The following DZIP3 variants were observed in gnomAD, a reference collection of about 807,000 sequenced individuals.
DZIP3 encodes DAZ interacting zinc finger protein 3, also known as E3 ubiquitin-protein ligase DZIP3.
In DZIP3, 118 loss-of-function variants were observed where a neutral mutation model predicts 162.0. The ratio of observed to expected loss-of-function variants is 0.73; its 90% CI spans 0.63 to 0.85. The LOEUF is 0.85. DZIP3 is among the 40% of genes least tolerant of loss of function. DZIP3 has a pLI of 0.00. For synonymous variants in DZIP3, 438 were observed against 458.6 expected, an observed-to-expected ratio of 0.96 and a Z score of 0.57; for missense variants, 1,331 against 1,407.0, an observed-to-expected ratio of 0.95 and a Z score of 0.86.
chr3:108,676,067 T>C (rs1010918501), intron 25 of DZIP3, among the ~76,000 whole-genome samples, 194 bp downstream of exon 25: 6 of 152,110 alleles, frequency 3.9e-5, no homozygotes, highest in Non-Finnish European at 5.9e-5. Context: ...TGTAGTCTTT[T>C]ATATCCTTAG....
intron 21 of DZIP3, among the ~76,000 whole-genome samples, chr3:108,667,117 A>G (rs1943714951): frequency 6.6e-6 from 1 of 151,960 alleles, no homozygotes. Flanking sequence ...CCCAGGAGTT[A>G]CAGTTCAGCA....
rs199527435 is a variant in DZIP3 at position 108,644,402 on chromosome 3, G to A, written c.1380G>A (p.Pro460=). 8.3e-5 allele frequency: 134 copies of A among 1,613,962 alleles called. 1 individual carries two copies. Among genetic ancestry groups the A allele is most frequent in the South Asian group, 1.8e-4 (16 of 91,066 alleles). ...HLLYPPNKEL[P]QSKQFDLCLL... Reference sequence around the variant, plus strand: ...TTTATCCTCCTAACAAGGAGTTACCGCAATCCAAACAGTTTGACTTATGCC... The same window carrying A: ...TTTATCCTCCTAACAAGGAGTTACCACAATCCAAACAGTTTGACTTATGCC... The change falls in exon 14 of 33, where the codon CCG becomes CCA. Residue 460 remains proline, a synonymous_variant. Coordinates refer to ENST00000361582, the MANE Select transcript of DZIP3 (RefSeq NM_014648.4).
chr3:108,654,117 G>C lies in DZIP3; in HGVS notation c.2034-28G>C, dbSNP rs113345476. ...TGAAAATTACTATACAATTGTAAAA[G>C]CTCACATTGATTATGTCACGACTAC... On this transcript the variant is annotated intron_variant, in intron 18 of 32. Coordinates refer to ENST00000361582, the MANE Select transcript of DZIP3 (RefSeq NM_014648.4). The C allele has an allele frequency of 1.2e-3, 1,882 of 1,606,464 alleles. 10 individuals are homozygous for C. In the African/African-American group the frequency reaches 0.017, roughly 15 times the overall value.
Position 108,634,966 on chromosome 3 carries a change from T to C in DZIP3, c.912T>C (p.Asn304=), listed in dbSNP as rs1559745282. Residue 304 remains asparagine, a synonymous_variant, in exon 10 of 33, where the codon AAT becomes AAC. Transcript: ENST00000361582. The part of the protein sequence containing the change: ...KFKNLKYPGE[N]DQSFSGKKCL... ...AGAATTTAAAGTATCCAGGTGAAAA[T>C]GATCAGGTATTATATTCGTTCTTAA... 1 of 1,584,618 alleles carries C rather than the reference T, an allele frequency of 6.3e-7. No homozygotes were observed. The highest frequency in any genetic ancestry group is 2.3e-5 in the East Asian group (1 of 44,080).
chr3:108,621,117 A>G (rs1009114922), intron 5 of DZIP3, among the ~76,000 whole-genome samples: 1 of 152,100 alleles, frequency 6.6e-6, no homozygotes, highest in Admixed American at 6.5e-5. Flanking sequence ...CACTGCACCC[A>G]GCCAGATCAT....
intron 1 of DZIP3, 25 bp downstream of exon 1, chr3:108,589,864 C>A (rs999557249): frequency 6.5e-6 from 1 of 152,758 alleles, no homozygotes; most frequent in East Asian, 1.9e-4. Flanking sequence ...GGAGAAGAAT[C>A]TTGGGCCCTA....
chr3:108,624,373 T>C, intron 5 of DZIP3, 71 bp from the exon 6 acceptor site: 1 of 807,784 alleles, frequency 1.2e-6, no homozygotes, highest in East Asian at 2.6e-5. Context: ...GCTTAGGATA[T>C]TTAATTAAGC....
rs758616906 is a variant in DZIP3, at chr3:108,654,273, G to T, written c.2162G>T (p.Ser721Ile). The T allele has an allele frequency of 1.3e-5, 21 of 1,613,672 alleles. No homozygotes were observed. The South Asian group carries it at 2.1e-4, about 16-fold the overall frequency. ...EDSAMEDKFY[S>I]LDELHILDMI... ...TCTGCAATGGAAGACAAGTTCTATA[G>T]CCTGGATGAATTGCATATTCTGGAC... The change falls in exon 19 of 33, where the codon AGC becomes ATC. Residue 721 changes from serine (S) to isoleucine (I), a missense_variant. By Grantham distance (142) the Ser-to-Ile change is moderately radical (BLOSUM62 -2). Around this residue, in one of 2 missense-constraint regions of DZIP3, gnomAD observed 1,278 missense variants for 1,317.1 expected, o/e 0.97. Transcript: ENST00000361582.
chr3:108,687,441 T>A (rs1944537312), intron 28 of DZIP3, among the ~76,000 whole-genome samples: 1 of 152,168 alleles, frequency 6.6e-6, no homozygotes, highest in South Asian at 2.1e-4. Flanking sequence ...AAGGAACATA[T>A]CAATTAAAAT....
chr3:108,658,080 A>G (rs200014048), intron 19 of DZIP3, among the ~76,000 whole-genome samples: 30,791 of 151,900 alleles, frequency 0.2, 3,661 homozygotes, highest in East Asian at 0.44. Context: ...AGACAGATCA[A>G]TGAGACAGAA....
chr3:108,688,405 TAG>T (rs1944571287), intron 29 of DZIP3, among the ~76,000 whole-genome samples, 186 bp from the exon 30 acceptor site: 1 of 152,218 alleles, frequency 6.6e-6, no homozygotes, highest in African/African-American at 2.4e-5. Context: ...AAAGAATGTA[TAG>T]AGTTATTTTT....
In DZIP3 at chr3:108,624,473, G is replaced by T. The variant is rs78132162; in HGVS notation, c.405G>T (p.Leu135Phe). Residue 135 changes from leucine (L) to phenylalanine (F), a missense_variant, in exon 6 of 33, where the codon TTG becomes TTT. Leu to Phe is a conservative substitution (Grantham distance 22). Coordinates refer to ENST00000361582, the MANE Select transcript of DZIP3 (RefSeq NM_014648.4). The stretch of plus-strand genomic sequence containing the variant: ...ACCAGATTAATATTGGTTATTATTT[G>T]ACATTACTGTTTTTATATGGAGTAG... ...TAHQINIGYY[L>F]TLLFLYGVAL... is the part of the protein sequence containing the mutation. The T allele has an allele frequency of 1.9e-6, 3 of 1,596,506 alleles. No individual in the cohort carries two copies. In the South Asian group the frequency reaches 3.4e-5, roughly 18 times the overall value.
intron 21 of DZIP3, 119 bp from the exon 22 acceptor site, chr3:108,669,562 G>T: frequency 1.3e-6 from 1 of 797,912 alleles, no homozygotes; most frequent in Admixed American, 2.7e-5. Flanking sequence ...TCAGGCTCAA[G>T]ATTTGTGGCC....
chr3:108,672,787 A>G, intron 23 of DZIP3, 131 bp downstream of exon 23: 1 of 729,732 alleles, frequency 1.4e-6, no homozygotes, highest in South Asian at 2.0e-5. Flanking sequence ...TCAGCCAGGA[A>G]AATACAGTTG....
chr3:108,687,386 A>C (rs1944535721), intron 28 of DZIP3, among the ~76,000 whole-genome samples: 1 of 152,126 alleles, frequency 6.6e-6, no homozygotes, highest in African/African-American at 2.4e-5. Context: ...TGTCCCATCA[A>C]AACTGTAGAT....
At chr3:108,616,041 G>A (rs1195570720) in intron 4 of DZIP3, among the ~76,000 whole-genome samples, 1 of 152,170 alleles carries the variant, frequency 6.6e-6, no homozygotes, top group African/African-American at 2.4e-5. Flanking sequence ...AAGGCAGGCG[G>A]ATCACGAGGT....
chr3:108,621,356 T>C (rs935171663), intron 5 of DZIP3, among the ~76,000 whole-genome samples: 4 of 152,218 alleles, frequency 2.6e-5, no homozygotes, highest in African/African-American at 7.2e-5. Flanking sequence ...TGAGATACTT[T>C]GATGCAGGCA....
chr3:108,603,968 G>C (rs1940179364), intron 1 of DZIP3, among the ~76,000 whole-genome samples: 2 of 152,070 alleles, frequency 1.3e-5, no homozygotes, highest in Admixed American at 1.3e-4. Context: ...CTTCCTGTCT[G>C]TGGTAAATTG....
At chr3:108,599,621 A>G (rs1223872762) in intron 1 of DZIP3, among the ~76,000 whole-genome samples, 1 of 152,210 alleles carries the variant, frequency 6.6e-6, no homozygotes, top group African/African-American at 2.4e-5. Flanking sequence ...TGCACAGTGG[A>G]CCGAATGTTT....
Sources: allele counts gnomAD v4.1 joint callset (sites outside exome capture counted in the v4.1 genomes callset), GRCh38; gene constraint gnomAD v4.1.1; regional missense constraint gnomAD v4.1.1; transcripts MANE v1.5; gene names NCBI Gene and HGNC (gene_info 2026-07-23, HGNC 2026-07-21).